PRF1: variants seen among roughly 807,000 people sequenced by gnomAD.
The protein encoded by PRF1 is perforin-1.
Under a neutral mutation model 11.7 loss-of-function variants are expected in PRF1, and 11 were observed. The observed-to-expected ratio is 0.94, with a 90% confidence interval of 0.59 to 1.56. The LOEUF (loss-of-function observed/expected upper bound fraction) is 1.56, where lower values mean the gene tolerates loss of function less well. Ranked by LOEUF, PRF1 falls within the 40% of genes most tolerant of loss-of-function variation. The probability of loss-of-function intolerance (pLI) is 0.00; values close to 1 mark genes in which losing one functional copy is unlikely to be tolerated. For synonymous variants in PRF1, 314 were observed against 327.8 expected (o/e 0.96, Z 0.45); for missense variants, 729 against 751.0 (o/e 0.97, Z 0.34).
Position 70,600,458 on chromosome 10 carries a change from C to T in PRF1, c.445G>A (p.Gly149Ser), listed in dbSNP as rs147462227. ...AAGTTGGCTGCCTGTGAGTGTGAGCCGGCCACAGACACATGCACATTGCTG... is the reference window on the plus strand; with the variant it reads ...AAGTTGGCTGCCTGTGAGTGTGAGCTGGCCACAGACACATGCACATTGCTG... The part of the protein sequence containing the change: ...PTSNVHVSVA[G>S]SHSQAANFAA... Residue 149 changes from glycine to serine, a missense_variant, in exon 2 of 3, where the codon GGC becomes AGC. Gly to Ser is a moderately conservative substitution (Grantham distance 56). Coordinates refer to ENST00000441259, the MANE Select transcript of PRF1 (RefSeq NM_001083116.3). This position sits in a 1 kb window ranked among gnomAD's most constrained non-coding sequence, Gnocchi z 4.9. 109 of 1,614,212 alleles carry T rather than the reference C, an allele frequency of 6.8e-5. No homozygotes were observed. The highest frequency in any genetic ancestry group is 5.7e-4 in the Admixed American group (34 of 60,024).
Position 70,598,420 on chromosome 10 carries a change from G to T in PRF1, c.1301C>A (p.Ala434Asp). ...AWGLWGDWFT[A>D]TDAYVKLFFG... ...GAAGAGCTTCACATAGGCATCCGTGGCAGTGAACCAGTCCCCCCACAGGCC... is the reference window on the plus strand; with the variant it reads ...GAAGAGCTTCACATAGGCATCCGTGTCAGTGAACCAGTCCCCCCACAGGCC... Residue 434 changes from alanine (A) to aspartate (D), a missense_variant, in exon 3 of 3, where the codon GCC becomes GAC. Coordinates refer to ENST00000441259, the MANE Select transcript of PRF1 (RefSeq NM_001083116.3). 1 of 1,613,976 alleles carries T rather than the reference G, an allele frequency of 6.2e-7. No homozygotes were observed. Among genetic ancestry groups the T allele is most frequent in the South Asian group, 1.1e-5 (1 of 91,088 alleles).
rs753332095 is a variant in PRF1, at chr10:70,598,138, T to A, written c.1583A>T (p.His528Leu). The change falls in exon 3 of 3, where the codon CAC becomes CTC. Residue 528 changes from histidine (H) to leucine (L), a missense_variant. Coordinates refer to ENST00000441259, the MANE Select transcript of PRF1 (RefSeq NM_001083116.3). ...GTCCAGGCAGGTGCCTCCTCCCAGGTGGGGCAAGCACCTGGCATGATAGCG... is the reference window on the plus strand; with the variant it reads ...GTCCAGGCAGGTGCCTCCTCCCAGGAGGGGCAAGCACCTGGCATGATAGCG... ...KFRYHARCLP[H>L]LGGGTCLDYV... The A allele has an allele frequency of 1.9e-6, 3 of 1,614,066 alleles. No homozygotes were observed. Among genetic ancestry groups the A allele is most frequent in the Non-Finnish European group, 2.5e-6 (3 of 1,180,014 alleles).
rs779855980 is a variant in PRF1 at position 70,598,202 on chromosome 10, C to A, written c.1519G>T (p.Glu507Ter). ...CDQAPKSGSH[E>*]VRCNLNHGHL... ...CCATGATTCAGGTTGCATCTCACCT[C>A]ATGGGAACCAGACTTGGGAGCCTGA... Residue 507 changes from glutamate (E) to a stop codon, truncating the protein, a stop_gained, in exon 3 of 3, where the codon GAG becomes TAG. Transcript: ENST00000441259. LOFTEE classifies it low-confidence loss of function (END_TRUNC). The A allele has an allele frequency of 3.1e-6, 5 of 1,614,198 alleles. No individual in the cohort carries two copies. In the South Asian group the frequency reaches 3.3e-5, roughly 11 times the overall value.
chr10:70,598,002 G>C lies in PRF1; in HGVS notation c.*51C>G. 6.2e-7 allele frequency: 1 copy of C among 1,601,268 alleles called. No individual in the cohort carries two copies. Among genetic ancestry groups the C allele is most frequent in the Non-Finnish European group, 8.5e-7 (1 of 1,177,238 alleles). On this transcript the variant is annotated 3_prime_UTR_variant, in exon 3 of 3. Transcript: ENST00000441259. ...TACGAAGACAGCCCTGGCTCCCACTGTGAGAACCCCTTCAGTCCAAGCATA... is the reference window on the plus strand; with the variant it reads ...TACGAAGACAGCCCTGGCTCCCACTCTGAGAACCCCTTCAGTCCAAGCATA...
rs138126912 is a variant in PRF1 at position 70,598,411 on chromosome 10, G to A, written c.1310C>T (p.Ala437Val). ...GCCACCAAAGAAGAGCTTCACATAG[G>A]CATCCGTGGCAGTGAACCAGTCCCC... Reference protein sequence around the residue: ...LWGDWFTATDAYVKLFFGGQE... With the variant: ...LWGDWFTATDVYVKLFFGGQE... The change falls in exon 3 of 3, where the codon GCC becomes GTC. Residue 437 changes from alanine (A) to valine (V), a missense_variant. By Grantham distance (64) the Ala-to-Val change is moderately conservative. Transcript: ENST00000441259. 1.1e-3 allele frequency: 1,743 copies of A among 1,614,020 alleles called. 4 individuals carry two copies. The highest frequency in any genetic ancestry group is 1.3e-3 in the Non-Finnish European group (1,562 of 1,180,014).
Position 70,600,666 on chromosome 10 carries a change from G to A in PRF1, c.237C>T (p.Ala79=). 1 of 1,613,822 alleles carries A rather than the reference G, an allele frequency of 6.2e-7. No individual in the cohort carries two copies. Among genetic ancestry groups the A allele is most frequent in the South Asian group, 1.1e-5 (1 of 91,066 alleles). The part of the protein sequence containing the change: ...PDGTCTLCEN[A]LQEGTLQRLP... ...GGCGCTGGAGGGTGCCCTCCTGTAG[G>A]GCATTTTCACAGAGGGTGCAGGTGC... is the stretch of plus-strand genomic sequence containing the variant. The change falls in exon 2 of 3, where the codon GCC becomes GCT. Residue 79 remains alanine, a synonymous_variant. Transcript: ENST00000441259. This position sits in a 1 kb window ranked among gnomAD's most constrained non-coding sequence, Gnocchi z 4.9.
chr10:70,600,228 G>A lies in PRF1; in HGVS notation c.539+136C>T. The A allele has an allele frequency of 6.8e-7, 1 of 1,475,934 alleles. No homozygotes were observed. The highest frequency in any genetic ancestry group is 1.3e-5 in the South Asian group (1 of 75,244). The allele number at this position is 1,475,934 out of a possible 1,614,324, so 91.4% of individuals were successfully genotyped here. On this transcript the variant is annotated intron_variant, in intron 2 of 2. Transcript: ENST00000441259. This position sits in a 1 kb window ranked among gnomAD's most constrained non-coding sequence, Gnocchi z 4.9. ...CAGGGCTGAATCACCTGAAGTCTGAGAGCCAGGATTGCAGTTTCTTCCTGG... is the reference window on the plus strand; with the variant it reads ...CAGGGCTGAATCACCTGAAGTCTGAAAGCCAGGATTGCAGTTTCTTCCTGG...
In PRF1 at chr10:70,597,980, G is replaced by A. The variant is rs1017079363; in HGVS notation, c.*73C>T. The A allele has an allele frequency of 9.5e-6, 15 of 1,581,162 alleles. No homozygotes were observed. The highest frequency in any genetic ancestry group is 1.3e-5 in the African/African-American group (1 of 74,262). ...GACAAGCTTGGTCTAATGGGAATAC[G>A]AAGACAGCCCTGGCTCCCACTGTGA... On this transcript the variant is annotated 3_prime_UTR_variant, in exon 3 of 3. Transcript: ENST00000441259.
At position 70,601,895 on chromosome 10, in the gene PRF1, T is replaced by C. The variant is rs569193880; in HGVS notation, c.-31+750A>G. On this transcript the variant is annotated intron_variant, in intron 1 of 2. Transcript: ENST00000441259. ...GATTTTGTGTGGGGAGAGGCCTCGA[T>C]GGTTGCTCTTCAGATCCTTTCTTGC... Among the ~76,000 whole-genome samples, 529 of 148,654 alleles carry C rather than the reference T, an allele frequency of 3.6e-3. 3 individuals are homozygous for C. Among genetic ancestry groups the C allele is most frequent in the Non-Finnish European group, 5.2e-3 (349 of 67,130 alleles).
chr10:70,598,686 G>C lies in PRF1; in HGVS notation c.1035C>G (p.Pro345=), dbSNP rs1454690882. ...SPGLVDYTLE[P]LHVLLDSQDP... is the part of the protein sequence containing the mutation. ...CCTGGCTGTCCAGCAGCACGTGCAG[G>C]GGTTCCAGGGTGTAGTCCACCAGGC... The change falls in exon 3 of 3, where the codon CCC becomes CCG. Residue 345 remains proline, a synonymous_variant. Coordinates refer to ENST00000441259, the MANE Select transcript of PRF1 (RefSeq NM_001083116.3). The C allele has an allele frequency of 4.3e-6, 7 of 1,614,084 alleles. No homozygotes were observed. In the South Asian group the frequency reaches 6.6e-5, roughly 15 times the overall value.
At chr10:70,601,491 C>T (rs1043416981) in intron 1 of PRF1, among the ~76,000 whole-genome samples, 12 of 152,054 alleles carry the variant, frequency 7.9e-5, no homozygotes, top group Admixed American at 7.2e-4. Context: ...GGGGCTCTCC[C>T]TCTGAGCTTT....
chr10:70,601,840 A>AAAAAAAAAAAAGAGAAAGAAACAAAAG, intron 1 of PRF1, among the ~76,000 whole-genome samples: 1 of 97,764 alleles, frequency 1.0e-5, no homozygotes, highest in African/African-American at 3.9e-5. Flanking sequence ...AAAAAAAAAA[A>AAAAAAAAAAAAGAGAAAGAAACAAAAG]AAAAAGGGGC....
chr10:70,599,339 C>T (rs1169016801), intron 2 of PRF1, among the ~76,000 whole-genome samples, 158 bp from the exon 3 acceptor site: 1 of 152,230 alleles, frequency 6.6e-6, no homozygotes, highest in Non-Finnish European at 1.5e-5. Flanking sequence ...TGGCACGGGG[C>T]TGGCAGGAAT....
At chr10:70,599,740 C>T (rs999154394) in intron 2 of PRF1, among the ~76,000 whole-genome samples, 46 of 152,230 alleles carry the variant, frequency 3.0e-4, no homozygotes, top group African/African-American at 1.1e-3. Flanking sequence ...GGGCCATGCT[C>T]GGCCTCTCTG....
chr10:70,599,497 C>G (rs1320592156), intron 2 of PRF1, among the ~76,000 whole-genome samples: 1 of 152,096 alleles, frequency 6.6e-6, no homozygotes, highest in African/African-American at 2.4e-5. Context: ...TGCCTGTAAC[C>G]CCAGCACTTT....
Position 70,597,862 on chromosome 10 carries a change from G to T in PRF1, c.*191C>A. ...ATGAGCTAAAAAAAAAAAAAAAATA[G>T]CAAAAAGAAACTCATAATGTTTTAA... On this transcript the variant is annotated 3_prime_UTR_variant, in exon 3 of 3. Coordinates refer to ENST00000441259, the MANE Select transcript of PRF1 (RefSeq NM_001083116.3). The T allele has an allele frequency of 1.5e-6, 1 of 667,330 alleles. No homozygotes were observed. The allele number at this position is 667,330 out of a possible 1,614,324, so 41.3% of individuals were successfully genotyped here. A position where few individuals can be genotyped will look rare whatever the true frequency, so the allele number is the denominator to read the frequency against.
intron 1 of PRF1, among the ~76,000 whole-genome samples, 160 bp downstream of exon 1, chr10:70,602,485 A>T (rs1848245104): frequency 6.6e-6 from 1 of 152,096 alleles, no homozygotes; most frequent in Non-Finnish European, 1.5e-5. Flanking sequence ...ACATGAGGAA[A>T]CTGAGGCCCA....
rs1457560443 is a variant in PRF1, at chr10:70,600,687, G to T, written c.216C>A (p.Thr72=). 6.2e-7 allele frequency: 1 copy of T among 1,613,904 alleles called. No individual in the cohort carries two copies. The highest frequency in any genetic ancestry group is 2.2e-5 in the East Asian group (1 of 44,872). The change falls in exon 2 of 3, where the codon ACC becomes ACA. Residue 72 remains threonine, a synonymous_variant. Transcript: ENST00000441259. The surrounding 1 kb of genome is among the most constrained non-coding windows in gnomAD (Gnocchi z 4.9). ...DTQRFLRPDG[T]CTLCENALQE... is the part of the protein sequence containing the mutation. The stretch of plus-strand genomic sequence containing the variant: ...GTAGGGCATTTTCACAGAGGGTGCA[G>T]GTGCCGTCGGGCCGCAGGAACCTTT...
In PRF1 at chr10:70,600,593, G is replaced by A. The variant is rs547723649; in HGVS notation, c.310C>T (p.Arg104Cys). 87 of 1,613,624 alleles carry A rather than the reference G, an allele frequency of 5.4e-5. 1 individual carries two copies. Among genetic ancestry groups the A allele is most frequent in the Middle Eastern group, 5.0e-4 (3 of 5,968 alleles). The change falls in exon 2 of 3, where the codon CGC becomes TGC. Residue 104 changes from arginine (R) to cysteine (C), a missense_variant. Arg to Cys is a radical substitution (Grantham distance 180). Transcript: ENST00000441259. The surrounding 1 kb of genome is among the most constrained non-coding windows in gnomAD (Gnocchi z 4.9). Reference protein sequence around the residue: ...NWRAQGSGCQRHVTRAKVSST... With the variant: ...NWRAQGSGCQCHVTRAKVSST... Reference sequence around the variant, plus strand: ...CTGACTTTGGCCCTGGTTACATGGCGCTGGCAGCCAGAGCCCTGGGCCCGC... The same window carrying A: ...CTGACTTTGGCCCTGGTTACATGGCACTGGCAGCCAGAGCCCTGGGCCCGC...
Sources: allele counts gnomAD v4.1 joint callset (sites outside exome capture counted in the v4.1 genomes callset), GRCh38; gene constraint gnomAD v4.1.1; non-coding constraint Gnocchi (gnomAD v3.1); transcripts MANE v1.5; gene names NCBI Gene and HGNC (gene_info 2026-07-23, HGNC 2026-07-21).